The following KCNIP4 variants were observed in gnomAD, a reference collection of about 807,000 sequenced individuals.
The protein encoded by KCNIP4 is potassium voltage-gated channel interacting protein 4, also known as Kv channel-interacting protein 4.
A neutral mutation model predicts 34.0 loss-of-function variants in KCNIP4; 12 were observed. The observed-to-expected ratio is 0.35, with a 90% confidence interval of 0.23 to 0.57. The LOEUF is 0.57. Among genes scored for constraint, KCNIP4 ranks in the 20% least tolerant of loss-of-function variants. KCNIP4 has a pLI of 0.83. For synonymous variants in KCNIP4, 124 were observed against 102.2 expected (o/e 1.21, Z -1.29); for missense variants, 238 against 311.7 (o/e 0.76, Z 1.78).
At chr4:21,755,943 TA>T (rs1717483088) in intron 1 of KCNIP4, among the ~76,000 whole-genome samples, 1 of 152,172 alleles carries the variant, frequency 6.6e-6, no homozygotes, top group South Asian at 2.1e-4. Context: ...CCTTAGATTT[TA>T]TTAGAAACTA....
intron 1 of KCNIP4, among the ~76,000 whole-genome samples, chr4:21,041,719 T>C (rs962360453): frequency 6.6e-6 from 1 of 152,150 alleles, no homozygotes; most frequent in Non-Finnish European, 1.5e-5. Context: ...AACTTTTTCG[T>C]TTGGATAGTC....
intron 1 of KCNIP4, among the ~76,000 whole-genome samples, chr4:21,383,929 T>C (rs1721770168): frequency 6.6e-6 from 1 of 152,158 alleles, no homozygotes; most frequent in South Asian, 2.1e-4. Context: ...TTTGATATGA[T>C]CTAGCTCATG....
At chr4:21,298,053 C>A (rs1763942027) in intron 1 of KCNIP4, among the ~76,000 whole-genome samples, 1 of 152,130 alleles carries the variant, frequency 6.6e-6, no homozygotes, top group Non-Finnish European at 1.5e-5. Flanking sequence ...TCTCCCTGAA[C>A]TTCTAGTTTA....
intron 1 of KCNIP4, among the ~76,000 whole-genome samples, chr4:21,900,131 T>C (rs1578125301): frequency 6.6e-6 from 1 of 152,202 alleles, no homozygotes; most frequent in South Asian, 2.1e-4. Flanking sequence ...TCTTAAATTA[T>C]AGAAAAATCT....
chr4:20,933,561 G>A (rs957790414), intron 1 of KCNIP4, among the ~76,000 whole-genome samples: 2 of 152,066 alleles, frequency 1.3e-5, no homozygotes, highest in African/African-American at 2.4e-5. Flanking sequence ...ACTTTAATTT[G>A]TGATTATCCA....
chr4:21,307,336 T>G (rs1440274325), intron 1 of KCNIP4, among the ~76,000 whole-genome samples: 2 of 152,190 alleles, frequency 1.3e-5, no homozygotes, highest in Non-Finnish European at 2.9e-5. Flanking sequence ...AGTAAGTGAC[T>G]TGACTTAGGT....
intron 2 of KCNIP4, among the ~76,000 whole-genome samples, chr4:20,874,293 C>A (rs1381740364): frequency 2.6e-5 from 4 of 152,140 alleles, no homozygotes; most frequent in Non-Finnish European, 4.4e-5. Flanking sequence ...TCACGTTCAA[C>A]TTTTTAACTC....
chr4:21,035,129 T>C (rs1741345201), intron 1 of KCNIP4, among the ~76,000 whole-genome samples: 1 of 152,162 alleles, frequency 6.6e-6, no homozygotes, highest in Non-Finnish European at 1.5e-5. Flanking sequence ...TGGGATGCAA[T>C]GTTTTGGGGG....
chr4:21,824,974 T>C (rs10033249), intron 1 of KCNIP4, among the ~76,000 whole-genome samples: 73,387 of 151,990 alleles, frequency 0.48, 18,295 homozygotes, highest in African/African-American at 0.54. Context: ...TAAATAACTA[T>C]TATTATAGGT....
chr4:21,787,385 C>T (rs1719980670), intron 1 of KCNIP4, among the ~76,000 whole-genome samples: 2 of 152,180 alleles, frequency 1.3e-5, no homozygotes, highest in African/African-American at 4.8e-5. Flanking sequence ...TGTCAAACTC[C>T]AGCTGAAACA....
At chr4:21,598,790 G>T (rs1050749406) in intron 1 of KCNIP4, among the ~76,000 whole-genome samples, 2 of 151,974 alleles carry the variant, frequency 1.3e-5, no homozygotes, top group African/African-American at 2.4e-5. Context: ...GCACCAGTGG[G>T]GTCTCCCAAC....
intron 1 of KCNIP4, among the ~76,000 whole-genome samples, chr4:21,226,772 C>A (rs1351735583): frequency 6.6e-6 from 1 of 152,152 alleles, no homozygotes; most frequent in Admixed American, 6.6e-5. Context: ...TTAACAGAAG[C>A]ACTGAGGTGT....
intron 1 of KCNIP4, among the ~76,000 whole-genome samples, chr4:21,302,732 T>A (rs1249668699): frequency 6.6e-6 from 1 of 152,064 alleles, no homozygotes; most frequent in African/African-American, 2.4e-5. Context: ...CCCCATGAGT[T>A]ATAAATGTAG....
intron 1 of KCNIP4, among the ~76,000 whole-genome samples, chr4:21,528,786 AG>A (rs1736361575): frequency 8.8e-5 from 2 of 22,620 alleles, no homozygotes; most frequent in African/African-American, 3.3e-4. Context: ...AAAGGAAGAA[AG>A]GAAGAAAGGA....
chr4:21,016,297 C>A (rs928604150), intron 1 of KCNIP4, among the ~76,000 whole-genome samples: 5 of 147,102 alleles, frequency 3.4e-5, no homozygotes, highest in Non-Finnish European at 7.4e-5. Flanking sequence ...TTCTTTTTTT[C>A]TTTTTTCTTT....
At chr4:21,404,514 C>A (rs574200660) in intron 1 of KCNIP4, among the ~76,000 whole-genome samples, 2 of 152,130 alleles carry the variant, frequency 1.3e-5, no homozygotes, top group Admixed American at 6.6e-5. Flanking sequence ...TTTTTCTATT[C>A]CCAAGTATTC....
chr4:21,881,853 C>T (rs1465846924), intron 1 of KCNIP4, among the ~76,000 whole-genome samples: 2 of 152,080 alleles, frequency 1.3e-5, no homozygotes, highest in African/African-American at 4.8e-5. Flanking sequence ...TTTTCTGCTG[C>T]TTCATATAAA....
At chr4:21,247,990 C>CATATATATATAT (rs1760415536) in intron 1 of KCNIP4, among the ~76,000 whole-genome samples, 1 of 107,810 alleles carries the variant, frequency 9.3e-6, no homozygotes, top group African/African-American at 5.3e-5. Flanking sequence ...TATACACACA[C>CATATATATATAT]ACACACACAC....
intron 1 of KCNIP4, among the ~76,000 whole-genome samples, chr4:21,293,897 A>G (rs1383335934): frequency 2.0e-5 from 3 of 152,188 alleles, no homozygotes; most frequent in Non-Finnish European, 4.4e-5. Context: ...GCCTCTGATC[A>G]TGATCTAGCC....
Sources: gnomAD v4.1 joint callset for allele counts (sites outside exome capture counted in the v4.1 genomes callset) on GRCh38, gnomAD v4.1.1 for gene constraint, MANE v1.5 for transcripts, NCBI Gene and HGNC (gene_info 2026-07-23, HGNC 2026-07-21) for gene names.